The following RNF150 variants were observed in gnomAD, a reference collection of about 807,000 sequenced individuals.
RNF150 encodes the protein ring finger protein 150.
RNF150 carries 24 observed loss-of-function variants against 39.3 expected under a neutral mutation model. That is an observed-to-expected ratio of 0.61 (90% confidence interval 0.44 to 0.86). RNF150 has a LOEUF of 0.86. RNF150 is among the 40% of genes least tolerant of loss of function. The pLI is 0.00. For synonymous variants in RNF150, 255 were observed against 227.3 expected, an observed-to-expected ratio of 1.12 and a Z score of -1.10; for missense variants, 502 against 587.8, an observed-to-expected ratio of 0.85 and a Z score of 1.51.
intron 1 of RNF150, among the ~76,000 whole-genome samples, chr4:141,004,333 T>C (rs1734789757): frequency 6.6e-6 from 1 of 151,786 alleles, no homozygotes; most frequent in African/African-American, 2.4e-5. Flanking sequence ...GAAAGGAGCC[T>C]GATGTAGGGT....
Position 140,894,309 on chromosome 4 carries a change from G to T in RNF150, c.1198+16835C>A, listed in dbSNP as rs537095843. 7.2e-5 allele frequency among the ~76,000 whole-genome samples: 11 copies of T among 152,304 alleles called. No homozygotes were observed. In the East Asian group the frequency reaches 1.9e-3, roughly 27 times the overall value. On this transcript the variant is annotated intron_variant, in intron 6 of 6. Coordinates refer to ENST00000515673, the MANE Select transcript of RNF150 (RefSeq NM_020724.2). Reference sequence around the variant, plus strand: ...GTGTTTAATTAATGAAAGACTTCCAGATTAACTTCTGATGAGGTCTTCTAG... The same window carrying T: ...GTGTTTAATTAATGAAAGACTTCCATATTAACTTCTGATGAGGTCTTCTAG...
chr4:141,118,408 C>T (rs368849616), intron 1 of RNF150, among the ~76,000 whole-genome samples: 8 of 152,178 alleles, frequency 5.3e-5, no homozygotes, highest in African/African-American at 1.9e-4. Flanking sequence ...AGACCTACTA[C>T]ATGGTGTTGA....
intron 6 of RNF150, among the ~76,000 whole-genome samples, chr4:140,910,785 C>A (rs1471641748): frequency 6.6e-6 from 1 of 152,208 alleles, no homozygotes; most frequent in African/African-American, 2.4e-5. Flanking sequence ...TCCTGCTGAG[C>A]ACCCCTTGTA....
chr4:141,126,943 C>T (rs569721029), intron 1 of RNF150, among the ~76,000 whole-genome samples: 11 of 152,204 alleles, frequency 7.2e-5, no homozygotes, highest in African/African-American at 9.6e-5. Flanking sequence ...TCTCCCATTA[C>T]GTAATAGAGA....
intron 1 of RNF150, among the ~76,000 whole-genome samples, chr4:141,185,545 G>C (rs368588120): frequency 1.3e-5 from 2 of 152,118 alleles, no homozygotes; most frequent in East Asian, 3.9e-4. Flanking sequence ...TCATTGTCCT[G>C]GTCCAAACTT....
At chr4:140,993,037 T>C (rs1327950182) in intron 1 of RNF150, among the ~76,000 whole-genome samples, 1 of 151,586 alleles carries the variant, frequency 6.6e-6, no homozygotes, top group Admixed American at 6.6e-5. Context: ...TCATCCTCCC[T>C]TGGGGTGTCA....
At chr4:141,167,517 G>A (rs1041464555) in intron 1 of RNF150, among the ~76,000 whole-genome samples, 1 of 151,666 alleles carries the variant, frequency 6.6e-6, no homozygotes, top group African/African-American at 2.4e-5. Flanking sequence ...AAAGTGAGAA[G>A]CATCATACTA....
chr4:141,158,740 G>A (rs570226411), intron 1 of RNF150, among the ~76,000 whole-genome samples: 140 of 135,130 alleles, frequency 1.0e-3, no homozygotes, highest in African/African-American at 3.5e-3. Context: ...TCCCTACCCC[G>A]CCCCCACCAC....
upstream of RNF150, among the ~76,000 whole-genome samples, chr4:141,136,123 C>T (rs563959442): frequency 1.3e-5 from 2 of 152,226 alleles, no homozygotes; most frequent in East Asian, 1.9e-4. Flanking sequence ...GTGACAATTA[C>T]GTACAATAAA....
intron 1 of RNF150, among the ~76,000 whole-genome samples, chr4:141,071,237 TGGGGGGA>T (rs1737687540): frequency 1.2e-5 from 1 of 80,660 alleles, no homozygotes; most frequent in African/African-American, 5.1e-5. Flanking sequence ...TGTGGTGGGG[TGGGGGGA>T]GGGGGGAGGG....
At chr4:140,987,975 A>G in intron 1 of RNF150, among the ~76,000 whole-genome samples, 1 of 152,228 alleles carries the variant, frequency 6.6e-6, no homozygotes, top group East Asian at 1.9e-4. Flanking sequence ...AAAAGAAGAC[A>G]TACAAGCAGC....
At chr4:141,209,056 C>G (rs989994441) in intron 1 of RNF150, among the ~76,000 whole-genome samples, 1 of 151,834 alleles carries the variant, frequency 6.6e-6, no homozygotes, top group Non-Finnish European at 1.5e-5. Flanking sequence ...TGGTGAGACA[C>G]CTTACCTCAA....
At chr4:140,918,382 A>G (rs1730940735) in intron 5 of RNF150, among the ~76,000 whole-genome samples, 1 of 152,206 alleles carries the variant, frequency 6.6e-6, no homozygotes, top group African/African-American at 2.4e-5. Flanking sequence ...AATACAAACT[A>G]CCATCAGAGA....
At chr4:141,193,678 A>G (rs1728152832) in intron 1 of RNF150, among the ~76,000 whole-genome samples, 1 of 152,184 alleles carries the variant, frequency 6.6e-6, no homozygotes, top group Non-Finnish European at 1.5e-5. Flanking sequence ...GACAGCAGCC[A>G]GCTTCACCAA....
chr4:141,092,944 T>C (rs1426003236), intron 1 of RNF150, among the ~76,000 whole-genome samples: 1 of 152,094 alleles, frequency 6.6e-6, no homozygotes, highest in Admixed American at 6.6e-5. Flanking sequence ...GACAGTATGA[T>C]TCCACACAGG....
intron 6 of RNF150, among the ~76,000 whole-genome samples, chr4:140,891,493 T>C (rs566640965): frequency 1.3e-5 from 2 of 152,182 alleles, no homozygotes; most frequent in African/African-American, 4.8e-5. Flanking sequence ...ATGAGAAAAT[T>C]GACAATAATA....
Position 141,172,387 on chromosome 4 carries a change from C to G in RNF150, c.-6+40407G>C, listed in dbSNP as rs1404246292. 2.0e-5 allele frequency among the ~76,000 whole-genome samples: 3 copies of G among 152,296 alleles called. No individual in the cohort carries two copies. The East Asian group carries it at 5.8e-4, about 29-fold the overall frequency. Reference sequence around the variant, plus strand: ...CAAAGTCAAAAGGCAGGGCAGTGCGCTCTTCACAGCGAGACTCTGGCAAGA... The same window carrying G: ...CAAAGTCAAAAGGCAGGGCAGTGCGGTCTTCACAGCGAGACTCTGGCAAGA... On this transcript the variant is annotated intron_variant, in intron 1 of 7. Coordinates refer to the RNF150 transcript ENST00000420921.
intron 5 of RNF150, among the ~76,000 whole-genome samples, chr4:140,913,805 G>A (rs2111282142): frequency 6.6e-6 from 1 of 152,290 alleles, no homozygotes; most frequent in Middle Eastern, 3.4e-3. Flanking sequence ...AATTTGATCT[G>A]AGTCTCAGAT....
chr4:141,088,343 A>G (rs184597723), intron 1 of RNF150, among the ~76,000 whole-genome samples: 1 of 152,322 alleles, frequency 6.6e-6, no homozygotes, highest in East Asian at 1.9e-4. Flanking sequence ...TAAAACGATT[A>G]GGTTATCAGA....
Sources: gnomAD v4.1 joint callset for allele counts (sites outside exome capture counted in the v4.1 genomes callset) on GRCh38, gnomAD v4.1.1 for gene constraint, MANE v1.5 for transcripts, NCBI Gene and HGNC (gene_info 2026-07-23, HGNC 2026-07-21) for gene names.